WDR41: variants seen among roughly 807,000 people sequenced by gnomAD.
The protein encoded by WDR41 is WD repeat domain 41, also known as WD repeat-containing protein 41.
Under a neutral mutation model 69.3 loss-of-function variants are expected in WDR41, and 63 were observed. That is an observed-to-expected ratio of 0.91 (90% CI 0.74 to 1.12). The LOEUF (loss-of-function observed/expected upper bound fraction) is 1.12, where lower values mean the gene tolerates loss of function less well. Among genes scored for constraint, WDR41 ranks in the 50% most tolerant of loss-of-function variants. The pLI is 0.00. For synonymous variants in WDR41, 185 were observed against 192.1 expected, an observed-to-expected ratio of 0.96 and a Z score of 0.31; for missense variants, 543 against 534.5, an observed-to-expected ratio of 1.02 and a Z score of -0.16.
At chr5:77,443,233 C>T (rs1013466421) in intron 8 of WDR41, among the ~76,000 whole-genome samples, 3 of 152,148 alleles carry the variant, frequency 2.0e-5, no homozygotes, top group Admixed American at 2.0e-4. Context: ...CTTTGCGCCC[C>T]TGGTAGTATT....
chr5:77,497,328 T>G (rs1241949152), intron 1 of WDR41, among the ~76,000 whole-genome samples: 3 of 151,820 alleles, frequency 2.0e-5, no homozygotes, highest in Non-Finnish European at 2.9e-5. Flanking sequence ...TGGAAGAAAA[T>G]ATTTGCAAAT....
intron 9 of WDR41, among the ~76,000 whole-genome samples, chr5:77,439,575 G>C (rs1349645694): frequency 6.6e-6 from 1 of 152,182 alleles, no homozygotes; most frequent in Non-Finnish European, 1.5e-5. Context: ...TCCAAGGTCA[G>C]GAAGAAAATT....
At chr5:77,499,943 T>C (rs996817794) in intron 1 of WDR41, among the ~76,000 whole-genome samples, 1 of 141,566 alleles carries the variant, frequency 7.1e-6, no homozygotes, top group South Asian at 2.3e-4. Context: ...GTGCCTAACC[T>C]AGTCAGGTTA....
intron 1 of WDR41, among the ~76,000 whole-genome samples, chr5:77,535,180 T>C (rs1419864961): frequency 6.6e-6 from 1 of 152,120 alleles, no homozygotes; most frequent in Non-Finnish European, 1.5e-5. Flanking sequence ...TCATTTCCTA[T>C]CCTAAATTGC....
chr5:77,508,223 G>T (rs556443650), intron 1 of WDR41, among the ~76,000 whole-genome samples: 53 of 152,162 alleles, frequency 3.5e-4, no homozygotes, highest in African/African-American at 1.0e-3. Flanking sequence ...CCAGGCTCAG[G>T]TGATTCTCCA....
At chr5:77,442,095 A>T (rs543569908) in intron 8 of WDR41, among the ~76,000 whole-genome samples, 1 of 152,224 alleles carries the variant, frequency 6.6e-6, no homozygotes, top group African/African-American at 2.4e-5. Context: ...CTAATGCCCT[A>T]CTATACATTA....
At chr5:77,568,167 A>C (rs928930387) in intron 1 of WDR41, among the ~76,000 whole-genome samples, 2 of 152,170 alleles carry the variant, frequency 1.3e-5, no homozygotes, top group African/African-American at 4.8e-5. Context: ...GTTTAAGGGC[A>C]GTATCAGGCT....
chr5:77,599,480 A>G (rs1054056714), intron 1 of WDR41, among the ~76,000 whole-genome samples: 2 of 152,072 alleles, frequency 1.3e-5, no homozygotes, highest in Non-Finnish European at 2.9e-5. Flanking sequence ...GATTACAGGC[A>G]TGAGTCACCA....
chr5:77,575,699 CT>C (rs944076832), intron 1 of WDR41, among the ~76,000 whole-genome samples: 1 of 151,936 alleles, frequency 6.6e-6, no homozygotes, highest in Admixed American at 6.6e-5. Flanking sequence ...AAATGCTATC[CT>C]TTTTTTTCTG....
intron 1 of WDR41, among the ~76,000 whole-genome samples, chr5:77,584,319 T>C (rs1253822161): frequency 6.6e-6 from 1 of 152,194 alleles, no homozygotes; most frequent in Non-Finnish European, 1.5e-5. Context: ...GCAGATGATA[T>C]AACCTTGTAT....
At chr5:77,435,337 A>G (rs1798896766) in intron 12 of WDR41, among the ~76,000 whole-genome samples, 1 of 152,244 alleles carries the variant, frequency 6.6e-6, no homozygotes, top group Non-Finnish European at 1.5e-5. Flanking sequence ...CTTCTGAGTC[A>G]CTGCTGCTTA....
chr5:77,523,303 C>CA (rs373426917), intron 1 of WDR41, among the ~76,000 whole-genome samples: 13,854 of 134,338 alleles, frequency 0.1, 689 homozygotes, highest in Middle Eastern at 0.22. Flanking sequence ...CAGACTCCAT[C>CA]AAAAAAAAAA....
chr5:77,610,000 C>A (rs1334262822), intron 1 of WDR41, among the ~76,000 whole-genome samples: 1 of 151,724 alleles, frequency 6.6e-6, no homozygotes, highest in Admixed American at 6.6e-5. Flanking sequence ...TCGAGAACTA[C>A]GTGAAGAATG....
At chr5:77,482,885 C>CACCCTT (rs1801341337) in intron 2 of WDR41, among the ~76,000 whole-genome samples, 1 of 149,518 alleles carries the variant, frequency 6.7e-6, no homozygotes, top group Middle Eastern at 3.3e-3. Context: ...AAGCACACAT[C>CACCCTT]ACCCTTGGGA....
At chr5:77,612,730 G>T (rs1395038584) in intron 1 of WDR41, among the ~76,000 whole-genome samples, 4 of 151,446 alleles carry the variant, frequency 2.6e-5, no homozygotes, top group Non-Finnish European at 5.9e-5. Context: ...TTGAAAACTG[G>T]CACAAGACAG....
At chr5:77,492,370 C>T (rs1026568418), upstream of WDR41, 4 of 1,006,780 alleles carry the variant, frequency 4.0e-6, no homozygotes, top group East Asian at 1.2e-4. Flanking sequence ...GGAATGCAGA[C>T]CACAGTTGAG....
intron 1 of WDR41, among the ~76,000 whole-genome samples, chr5:77,589,298 C>A (rs1744095106): frequency 6.6e-6 from 1 of 152,038 alleles, no homozygotes; most frequent in Admixed American, 6.6e-5. Context: ...ACTTAATATC[C>A]AGTAGTATAT....
chr5:77,517,701 A>G (rs1419494049), intron 1 of WDR41, among the ~76,000 whole-genome samples: 4 of 151,346 alleles, frequency 2.6e-5, no homozygotes, highest in Non-Finnish European at 4.4e-5. Context: ...AAGGATGTGA[A>G]TAAATTCACA....
At chr5:77,466,581 T>G (rs1164110369) in intron 2 of WDR41, among the ~76,000 whole-genome samples, 1 of 151,960 alleles carries the variant, frequency 6.6e-6, no homozygotes, top group Non-Finnish European at 1.5e-5. Flanking sequence ...TTGACTTTCA[T>G]GAGTTCACAA....
Sources: gnomAD v4.1 joint callset for allele counts (sites outside exome capture counted in the v4.1 genomes callset) on GRCh38, gnomAD v4.1.1 for gene constraint, MANE v1.5 for transcripts, NCBI Gene and HGNC (gene_info 2026-07-23, HGNC 2026-07-21) for gene names.